The following GLIS3 variants were observed in gnomAD, a reference collection of about 807,000 sequenced individuals.
GLIS3 encodes the protein GLIS family zinc finger 3.
A neutral mutation model predicts 78.6 loss-of-function variants in GLIS3; 53 were observed. The ratio of observed to expected loss-of-function variants is 0.67; its 90% confidence interval spans 0.54 to 0.85. The LOEUF is 0.85. Ranked by LOEUF, GLIS3 falls within the 40% of genes least tolerant of loss-of-function variation. The probability of loss-of-function intolerance (pLI) is 0.00; values close to 1 mark genes in which losing one functional copy is unlikely to be tolerated. For missense variants in GLIS3, 1,703 were observed against 1,231.1 expected, an observed-to-expected ratio of 1.38 and a Z score of -5.74; for synonymous variants, 684 against 509.9, an observed-to-expected ratio of 1.34 and a Z score of -4.60.
the GLIS3 span, among the ~76,000 whole-genome samples, chr9:4,445,236 T>C: frequency 2.0e-5 from 3 of 152,324 alleles, no homozygotes; most frequent in South Asian, 6.2e-4. Flanking sequence ...GAAATGTATA[T>C]GAAACCCTTG....
chr9:3,946,976 C>T lies in GLIS3; in HGVS notation c.1711-9787G>A, dbSNP rs543565694. Among the ~76,000 whole-genome samples the T allele has an allele frequency of 1.2e-3, 167 of 143,488 alleles. 1 individual carries two copies. The highest frequency in any genetic ancestry group is 3.3e-3 in the South Asian group (15 of 4,546). 94.1% of individuals were successfully genotyped at this position (143,488 alleles called of 152,430 possible). A position where few individuals can be genotyped will look rare whatever the true frequency, so the allele number is the denominator to read the frequency against. The stretch of plus-strand genomic sequence containing the variant: ...CAGCAGGTCAAGCAGTTTCCCACGA[C>T]GCCACGCCTCTGTCGGCCATCCTAC... On this transcript the variant is annotated intron_variant, in intron 4 of 10. Transcript: ENST00000381971.
chr9:4,063,691 T>A (rs965746968), intron 4 of GLIS3, among the ~76,000 whole-genome samples: 1 of 152,088 alleles, frequency 6.6e-6, no homozygotes, highest in African/African-American at 2.4e-5. Flanking sequence ...AGAAAACGAA[T>A]GAGACAAATA....
chr9:4,310,039 C>T (rs1817322613), intron 3 of GLIS3, among the ~76,000 whole-genome samples: 1 of 152,170 alleles, frequency 6.6e-6, no homozygotes. Flanking sequence ...AAAACTATGA[C>T]CAATTTATCC....
At chr9:4,385,050 A>T in the GLIS3 span, among the ~76,000 whole-genome samples, 1 of 152,250 alleles carries the variant, frequency 6.6e-6, no homozygotes, top group African/African-American at 2.4e-5. Context: ...GTAAAACAAT[A>T]GTGGAGCAAT....
At chr9:4,085,463 C>T (rs1356118437) in intron 4 of GLIS3, among the ~76,000 whole-genome samples, 8 of 152,190 alleles carry the variant, frequency 5.3e-5, no homozygotes, top group Admixed American at 2.6e-4. Flanking sequence ...CTGCCACCCT[C>T]TCATTTTATC....
chr9:4,478,370 G>C, the GLIS3 span, among the ~76,000 whole-genome samples: 2 of 152,290 alleles, frequency 1.3e-5, no homozygotes, highest in African/African-American at 4.8e-5. Context: ...CCAGCAATTT[G>C]GGAGGCCAAG....
chr9:4,477,570 C>T, the GLIS3 span, among the ~76,000 whole-genome samples: 4 of 152,056 alleles, frequency 2.6e-5, no homozygotes, highest in Non-Finnish European at 4.4e-5. Flanking sequence ...GTGCACACCA[C>T]ACCCAGCTAA....
the GLIS3 span, among the ~76,000 whole-genome samples, chr9:4,458,943 G>C: frequency 1.1e-4 from 17 of 152,328 alleles, no homozygotes; most frequent in African/African-American, 4.8e-5. Context: ...GACAGGAAGA[G>C]TGATAAGAGG....
chr9:4,138,453 AG>A (rs1391863562), intron 2 of GLIS3, among the ~76,000 whole-genome samples: 1 of 152,210 alleles, frequency 6.6e-6, no homozygotes. Flanking sequence ...AGCTCAAATG[AG>A]GAAAAGATCT....
the GLIS3 span, among the ~76,000 whole-genome samples, chr9:4,481,165 G>A: frequency 1.3e-5 from 2 of 150,580 alleles, no homozygotes; most frequent in East Asian, 4.1e-4. Flanking sequence ...CCTATCTACT[G>A]TTTTATAACT....
intron 2 of GLIS3, among the ~76,000 whole-genome samples, chr9:4,160,733 C>A (rs2131081128): frequency 6.6e-6 from 1 of 152,304 alleles, no homozygotes; most frequent in Admixed American, 6.5e-5. Context: ...CTAACGAACT[C>A]TGTACTTTCC....
At chr9:4,449,122 T>C in the GLIS3 span, among the ~76,000 whole-genome samples, 1 of 152,266 alleles carries the variant, frequency 6.6e-6, no homozygotes, top group African/African-American at 2.4e-5. Flanking sequence ...ACCCAAATAC[T>C]GTACTTTTCC....
chr9:3,974,179 T>C (rs769688771), intron 4 of GLIS3, among the ~76,000 whole-genome samples: 35 of 152,180 alleles, frequency 2.3e-4, no homozygotes, highest in Middle Eastern at 6.8e-3. Context: ...TTTCCCAACA[T>C]GAAATTTTAT....
rs544623923 is a variant in GLIS3 at position 4,173,801 on chromosome 9, TG to T, written c.389-47861del. 4.0e-3 allele frequency among the ~76,000 whole-genome samples: 612 copies of T among 152,246 alleles called. 4 individuals carry two copies. The highest frequency in any genetic ancestry group is 0.014 in the African/African-American group (595 of 41,538). ...CAATATACATGTTATTGAAAAGTTC[TG>T]TATCTAAAATTTAACACTGGAAAAT... On this transcript the variant is annotated intron_variant, in intron 2 of 10. Coordinates refer to ENST00000381971, the MANE Select transcript of GLIS3 (RefSeq NM_001042413.2).
chr9:4,318,428 G>C (rs757500274), intron 2 of GLIS3, among the ~76,000 whole-genome samples: 6 of 152,150 alleles, frequency 3.9e-5, no homozygotes, highest in Non-Finnish European at 7.4e-5. Context: ...GACTAGGGCA[G>C]GGAAAGTACA....
intron 1 of GLIS3, among the ~76,000 whole-genome samples, chr9:4,290,182 A>C (rs1044030885): frequency 6.6e-6 from 1 of 152,156 alleles, no homozygotes; most frequent in African/African-American, 2.4e-5. Flanking sequence ...CTGATGAGCC[A>C]GTTAATTATT....
chr9:4,211,929 A>C (rs1820412067), intron 2 of GLIS3, among the ~76,000 whole-genome samples: 1 of 152,248 alleles, frequency 6.6e-6, no homozygotes. Flanking sequence ...CAAAGACCAT[A>C]AACTGTGTTA....
chr9:4,063,549 G>C (rs1042086289), intron 4 of GLIS3, among the ~76,000 whole-genome samples: 1 of 150,906 alleles, frequency 6.6e-6, no homozygotes, highest in African/African-American at 2.4e-5. Flanking sequence ...AGCCATGCAA[G>C]TTCATGATTT....
At chr9:3,829,028 G>A (rs1563754144) in intron 10 of GLIS3, among the ~76,000 whole-genome samples, 1 of 152,138 alleles carries the variant, frequency 6.6e-6, no homozygotes, top group Non-Finnish European at 1.5e-5. Flanking sequence ...AGTATGGAGG[G>A]CAGAATGGTA....
Sources: gnomAD v4.1 joint callset for allele counts (sites outside exome capture counted in the v4.1 genomes callset) on GRCh38, gnomAD v4.1.1 for gene constraint, MANE v1.5 for transcripts, NCBI Gene and HGNC (gene_info 2026-07-23, HGNC 2026-07-21) for gene names.